Variants in CMSS1 observed in about 807,000 individuals in gnomAD.
CMSS1 encodes the protein cms1 ribosomal small subunit homolog, also known as protein CMSS1.
CMSS1 carries 33 observed loss-of-function variants against 43.5 expected under a neutral mutation model. The ratio of observed to expected loss-of-function variants is 0.76; its 90% confidence interval spans 0.57 to 1.01. The LOEUF (loss-of-function observed/expected upper bound fraction) is 1.01, where lower values mean the gene tolerates loss of function less well. Among genes scored for constraint, CMSS1 ranks in the 50% least tolerant of loss-of-function variants. CMSS1 has a pLI of 0.00. For synonymous variants in CMSS1, 115 were observed against 117.2 expected (o/e 0.98, Z 0.12); for missense variants, 313 against 326.4 (o/e 0.96, Z 0.32).
chr3:100,020,543 T>A (rs1434780461), intron 1 of CMSS1, among the ~76,000 whole-genome samples: 1 of 152,186 alleles, frequency 6.6e-6, no homozygotes, highest in Non-Finnish European at 1.5e-5. Flanking sequence ...TTGGCCATTC[T>A]GTTTTGAGGA....
At chr3:100,012,259 A>C (rs1445147130) in intron 1 of CMSS1, among the ~76,000 whole-genome samples, 1 of 152,204 alleles carries the variant, frequency 6.6e-6, no homozygotes, top group Non-Finnish European at 1.5e-5. Context: ...AGATTGGTAG[A>C]ATTATTACTT....
intron 1 of CMSS1, among the ~76,000 whole-genome samples, chr3:99,821,199 G>C (rs1220783876): frequency 6.6e-6 from 1 of 152,186 alleles, no homozygotes; most frequent in Non-Finnish European, 1.5e-5. Context: ...CATTGCACTG[G>C]AGCTCAACAT....
intron 1 of CMSS1, chr3:99,830,540 G>C: frequency 2.2e-6 from 1 of 456,696 alleles, no homozygotes; most frequent in Non-Finnish European, 4.4e-6. Context: ...TGGAAATCTT[G>C]GTGATGCCTG....
chr3:99,915,952 A>G (rs1170067147), intron 1 of CMSS1, among the ~76,000 whole-genome samples: 1 of 152,256 alleles, frequency 6.6e-6, no homozygotes, highest in Admixed American at 6.5e-5. Context: ...ACCTATTGGT[A>G]TCATGCAGAG....
At position 100,162,393 on chromosome 3, in the gene CMSS1, A is replaced by G. The variant is rs750491901; in HGVS notation, c.316A>G (p.Arg106Gly). 9.3e-6 allele frequency: 15 copies of G among 1,613,470 alleles called. No individual in the cohort carries two copies. The highest frequency in any genetic ancestry group is 1.3e-5 in the Non-Finnish European group (15 of 1,179,540). The change falls in exon 4 of 10, where the codon AGA (arginine) becomes GGA (glycine). Residue 106 changes from arginine (R) to glycine (G), a missense_variant. Coordinates refer to ENST00000421999, the MANE Select transcript of CMSS1 (RefSeq NM_032359.4). ...QKLMKDYYSSRRLVIELEELN... is the reference protein window; with the variant it reads ...QKLMKDYYSSGRLVIELEELN... ...GCTGATGAAGGACTATTATAGCAGCAGACGCTTGGTGATTGAATTAGAAGA... is the reference window on the plus strand; with the variant it reads ...GCTGATGAAGGACTATTATAGCAGCGGACGCTTGGTGATTGAATTAGAAGA...
At chr3:100,003,400 T>C (rs547473842) in intron 1 of CMSS1, among the ~76,000 whole-genome samples, 1 of 152,318 alleles carries the variant, frequency 6.6e-6, no homozygotes, top group Admixed American at 6.5e-5. Flanking sequence ...CTTCTTAGCT[T>C]CAGTTTAACC....
chr3:99,939,066 T>C (rs1230074932), intron 1 of CMSS1, among the ~76,000 whole-genome samples: 1 of 152,204 alleles, frequency 6.6e-6, no homozygotes, highest in African/African-American at 2.4e-5. Flanking sequence ...AGACAAGGGA[T>C]TGGAAAGTGG....
intron 2 of CMSS1, among the ~76,000 whole-genome samples, chr3:100,147,761 G>T (rs1362508360): frequency 6.6e-6 from 1 of 152,156 alleles, no homozygotes; most frequent in Non-Finnish European, 1.5e-5. Flanking sequence ...CTGCCAGCAG[G>T]CTCCTGGGAC....
chr3:100,057,850 A>G (rs1314591404), intron 1 of CMSS1, among the ~76,000 whole-genome samples: 1 of 152,170 alleles, frequency 6.6e-6, no homozygotes, highest in East Asian at 1.9e-4. Context: ...GTTTAGAATT[A>G]ACAACTGTGA....
At chr3:100,068,296 A>G (rs1019800593) in intron 1 of CMSS1, among the ~76,000 whole-genome samples, 1 of 152,072 alleles carries the variant, frequency 6.6e-6, no homozygotes, top group Non-Finnish European at 1.5e-5. Context: ...TTGCCATGTT[A>G]TTATAAACCT....
intron 2 of CMSS1, among the ~76,000 whole-genome samples, chr3:100,158,019 C>T (rs1025678524): frequency 6.6e-6 from 1 of 152,164 alleles, no homozygotes; most frequent in African/African-American, 2.4e-5. Context: ...TGCCAAGTCA[C>T]TTCTATCCAG....
intron 1 of CMSS1, among the ~76,000 whole-genome samples, chr3:100,103,250 C>T (rs2066338919): frequency 6.6e-6 from 1 of 152,202 alleles, no homozygotes; most frequent in East Asian, 1.9e-4. Context: ...AAGGCAGCAG[C>T]TCACAGTGGC....
chr3:100,141,701 A>C, intron 1 of CMSS1: 1 of 392,000 alleles, frequency 2.6e-6, no homozygotes, highest in South Asian at 2.0e-5. Context: ...CCAGGGGTTG[A>C]AAAAGGACAG....
chr3:100,094,674 CTTTTTTTTTTTTTTT>C (rs71132509), intron 1 of CMSS1, among the ~76,000 whole-genome samples: 1 of 57,000 alleles, frequency 1.8e-5, no homozygotes, highest in Non-Finnish European at 3.2e-5. Context: ...GAAAAGCTGC[CTTTTTTTTTTTTTTT>C]TTTTTTTTTT....
chr3:99,825,307 A>T (rs1234753526), intron 1 of CMSS1, among the ~76,000 whole-genome samples: 1 of 152,224 alleles, frequency 6.6e-6, no homozygotes, highest in Admixed American at 6.5e-5. Context: ...GGATTTACAC[A>T]TTGATGTGGT....
intron 1 of CMSS1, among the ~76,000 whole-genome samples, chr3:99,916,010 G>A (rs34571898): frequency 0.053 from 8,144 of 152,296 alleles, 320 homozygotes; most frequent in Middle Eastern, 0.085. Flanking sequence ...AGAAAGATAC[G>A]TGTAATGGTT....
rs1163971358 is a variant in CMSS1, at chr3:100,139,581, GTATA to G, written c.65-7386_65-7383del. Among the ~76,000 whole-genome samples the G allele has an allele frequency of 5.0e-5, 7 of 140,726 alleles. No individual in the cohort carries two copies. In the East Asian group the frequency reaches 1.4e-3, roughly 29 times the overall value. The allele number at this position is 140,726 out of a possible 152,430, so 92.3% of individuals were successfully genotyped here. A position where few individuals can be genotyped will look rare whatever the true frequency, so the allele number is the denominator to read the frequency against. ...TGTGTGTGTGTATGTATATATATGT[GTATA>G]TATATGTGTGTGTATATATGTGTGT... is the stretch of plus-strand genomic sequence containing the variant. On this transcript the variant is annotated intron_variant, in intron 1 of 9. Transcript: ENST00000421999.
At position 99,817,862 on chromosome 3, in the gene CMSS1, A is replaced by C; in HGVS notation, c.-118A>C. ...GTCATCGCCGCGGGGCGGAGGCGACAGTGTCTAGCGGGAGCTCCGCGTGTA... is the reference window on the plus strand; with the variant it reads ...GTCATCGCCGCGGGGCGGAGGCGACCGTGTCTAGCGGGAGCTCCGCGTGTA... On this transcript the variant is annotated 5_prime_UTR_variant, in exon 1 of 10. Coordinates refer to ENST00000421999, the MANE Select transcript of CMSS1 (RefSeq NM_032359.4). 9.8e-7 allele frequency: 1 copy of C among 1,023,258 alleles called. No homozygotes were observed. The highest frequency in any genetic ancestry group is 2.6e-5 in the East Asian group (1 of 38,736). 63.4% of individuals were successfully genotyped at this position (1,023,258 alleles called of 1,614,324 possible). A position where few individuals can be genotyped will look rare whatever the true frequency, so the allele number is the denominator to read the frequency against.
At chr3:99,905,877 A>G (rs1287972439) in intron 1 of CMSS1, among the ~76,000 whole-genome samples, 1 of 152,220 alleles carries the variant, frequency 6.6e-6, no homozygotes, top group Non-Finnish European at 1.5e-5. Flanking sequence ...TCACTTCTTT[A>G]ACATTTGGTA....
Sources: allele counts gnomAD v4.1 joint callset (sites outside exome capture counted in the v4.1 genomes callset), GRCh38; gene constraint gnomAD v4.1.1; transcripts MANE v1.5; gene names NCBI Gene and HGNC (gene_info 2026-07-23, HGNC 2026-07-21).